Variants in C8B observed in about 807,000 individuals in gnomAD.
The protein encoded by C8B is complement component C8 beta chain.
Under a neutral mutation model 64.6 loss-of-function variants are expected in C8B, and 67 were observed. The ratio of observed to expected loss-of-function variants is 1.04; its 90% CI spans 0.85 to 1.27. C8B has a LOEUF of 1.27. Ranked by LOEUF, C8B falls within the 50% of genes most tolerant of loss-of-function variation. C8B has a pLI of 0.00. For missense variants in C8B, 790 were observed against 725.2 expected, an observed-to-expected ratio of 1.09 and a Z score of -1.03; for synonymous variants, 284 against 257.7, an observed-to-expected ratio of 1.10 and a Z score of -0.98.
At chr1:56,932,113 T>C (rs139315921) in intron 10 of C8B, among the ~76,000 whole-genome samples, 121 of 152,346 alleles carry the variant, frequency 7.9e-4, no homozygotes, top group African/African-American at 2.9e-3. Context: ...TGAAGACAAT[T>C]ACTCATGAGC....
chr1:56,929,618 G>T, intron 11 of C8B, 60 bp from the exon 12 acceptor site: 1 of 1,552,734 alleles, frequency 6.4e-7, no homozygotes. Flanking sequence ...GTGCCTTACT[G>T]GGGTTGGGTG....
At chr1:56,963,869 C>T in intron 1 of C8B, 1 of 985,442 alleles carries the variant, frequency 1.0e-6, no homozygotes, top group Non-Finnish European at 1.2e-6. Flanking sequence ...GTGATTTCAT[C>T]ATCTGACTTG....
At chr1:56,951,929 A>G (rs954457236) in intron 5 of C8B, 119 bp downstream of exon 5, 1 of 1,160,854 alleles carries the variant, frequency 8.6e-7, no homozygotes, top group South Asian at 1.3e-5. Flanking sequence ...CCATTTTCAC[A>G]TATGAAGAAA....
Position 56,940,859 on chromosome 1 carries a change from A to G in C8B, c.1388T>C (p.Ile463Thr). ...GDAVQYNPAI[I>T]KVKVEPLYEL... ...AGCAGCGTTGTGTACCTTAACTTTG[A>G]TGATGGCTGGGTTGTACTGCACAGC... Residue 463 changes from isoleucine to threonine, a missense_variant, in exon 9 of 12, where the codon ATC (isoleucine) becomes ACC (threonine). By Grantham distance (89) the Ile-to-Thr change is moderately conservative. Transcript: ENST00000371237. The G allele has an allele frequency of 6.2e-7, 1 of 1,614,010 alleles. No individual in the cohort carries two copies. The highest frequency in any genetic ancestry group is 8.5e-7 in the Non-Finnish European group (1 of 1,179,994).
At chr1:56,958,203 G>A (rs934206101) in intron 2 of C8B, among the ~76,000 whole-genome samples, 7 of 152,168 alleles carry the variant, frequency 4.6e-5, no homozygotes, top group Non-Finnish European at 2.9e-5. Flanking sequence ...ATGAGAAACT[G>A]CTGCAGAGGA....
At chr1:56,947,111 C>A (rs1210072967) in intron 6 of C8B, among the ~76,000 whole-genome samples, 1 of 152,228 alleles carries the variant, frequency 6.6e-6, no homozygotes, top group African/African-American at 2.4e-5. Context: ...TAATCTCCTT[C>A]CTTTCTTTTG....
chr1:56,951,001 A>T (rs1002033250), intron 5 of C8B, among the ~76,000 whole-genome samples: 1 of 152,104 alleles, frequency 6.6e-6, no homozygotes, highest in Non-Finnish European at 1.5e-5. Flanking sequence ...CGCTAAGCCA[A>T]ATTTGTTCTT....
intron 2 of C8B, among the ~76,000 whole-genome samples, chr1:56,957,717 T>A (rs1163654194): frequency 6.6e-6 from 1 of 152,192 alleles, no homozygotes; most frequent in Non-Finnish European, 1.5e-5. Flanking sequence ...TGGTCAGTTT[T>A]ATTGGTAATT....
At chr1:56,943,567 A>C (rs1644896209) in intron 8 of C8B, 129 bp downstream of exon 8, 2 of 1,076,826 alleles carry the variant, frequency 1.9e-6, no homozygotes, top group Non-Finnish European at 2.9e-6. Context: ...TATAAAAAAC[A>C]GAAGGACATA....
At chr1:56,952,563 G>C (rs1645038296) in intron 4 of C8B, among the ~76,000 whole-genome samples, 1 of 152,172 alleles carries the variant, frequency 6.6e-6, no homozygotes, top group Admixed American at 6.5e-5. Context: ...CAGCCCAGCT[G>C]GGTTAGGGAC....
At chr1:56,954,541 A>G (rs1286960534) in intron 4 of C8B, 145 bp downstream of exon 4, 2 of 1,099,126 alleles carry the variant, frequency 1.8e-6, no homozygotes, top group East Asian at 2.5e-5. Context: ...TCAGAGAGCA[A>G]CCGGAAGTGT....
chr1:56,942,466 C>T (rs1004394568), intron 8 of C8B, among the ~76,000 whole-genome samples: 1 of 152,032 alleles, frequency 6.6e-6, no homozygotes, highest in African/African-American at 2.4e-5. Flanking sequence ...CTTTGGGAGG[C>T]CGAGGTGAGT....
intron 6 of C8B, among the ~76,000 whole-genome samples, chr1:56,946,609 T>G (rs1046026070): frequency 2.0e-5 from 3 of 152,148 alleles, no homozygotes; most frequent in African/African-American, 7.2e-5. Context: ...GGTGTCACAC[T>G]CCAATGGCAG....
At chr1:56,951,813 G>C (rs569292870) in intron 5 of C8B, among the ~76,000 whole-genome samples, 1 of 152,222 alleles carries the variant, frequency 6.6e-6, no homozygotes, top group East Asian at 1.9e-4. Context: ...CTATCTTCAA[G>C]GTAGCTTTTG....
At chr1:56,946,475 A>G (rs879425605) in intron 6 of C8B, among the ~76,000 whole-genome samples, 2 of 152,214 alleles carry the variant, frequency 1.3e-5, no homozygotes, top group Non-Finnish European at 2.9e-5. Flanking sequence ...TAGGAAAACC[A>G]GCTATGACAG....
rs1293827799 is a variant in C8B, at chr1:56,946,032, G to T, written c.894C>A (p.Asp298Glu). The change falls in exon 7 of 12, where the codon GAC (aspartate) becomes GAA (glutamate). Residue 298 changes from aspartate to glutamate, a missense_variant. By Grantham distance (45) the Asp-to-Glu change is conservative. Coordinates refer to ENST00000371237, the MANE Select transcript of C8B (RefSeq NM_000066.4). ...TCAGCTTGTAATGTGCTACTTCAAG[G>T]TCAGAGCGTGCATGCAGAAATACGC... ...TKSVFLHARS[D>E]LEVAHYKLKP... 4 of 1,614,070 alleles carry T rather than the reference G, an allele frequency of 2.5e-6. No homozygotes were observed. The Admixed American group carries it at 6.7e-5, about 27-fold the overall frequency.
At position 56,937,156 on chromosome 1, in the gene C8B, T is replaced by C. The variant is rs1199836405; in HGVS notation, c.1399-3668A>G. 2.6e-5 allele frequency among the ~76,000 whole-genome samples: 4 copies of C among 152,290 alleles called. No individual in the cohort carries two copies. In the East Asian group the frequency reaches 7.7e-4, roughly 29 times the overall value. ...CATTCTTGCTCTCTTTGAAGGCAGG[T>C]TTGCAATGTGACTTGTTTTGACCAG... On this transcript the variant is annotated intron_variant, in intron 9 of 11. Transcript: ENST00000371237.
At position 56,960,010 on chromosome 1, in the gene C8B, G is replaced by T. The variant is rs1430100375; in HGVS notation, c.249+10C>A. ...GGAAGCTTAGAGCTGTCCCAGGCCT[G>T]GTTGCTTACCCTTTTCTTCTGACAG... is the stretch of plus-strand genomic sequence containing the variant. On this transcript the variant is annotated intron_variant, in intron 2 of 11. Transcript: ENST00000371237. 4.3e-6 allele frequency: 7 copies of T among 1,614,004 alleles called. No individual in the cohort carries two copies. The Admixed American group carries it at 8.3e-5, about 19-fold the overall frequency.
intron 10 of C8B, among the ~76,000 whole-genome samples, chr1:56,932,788 T>G (rs928310409): frequency 5.1e-4 from 78 of 152,192 alleles, no homozygotes; most frequent in Admixed American, 4.4e-3. Flanking sequence ...TGACTCCTGC[T>G]GGTTCCCTGG....
Sources: allele counts gnomAD v4.1 joint callset (sites outside exome capture counted in the v4.1 genomes callset), GRCh38; gene constraint gnomAD v4.1.1; transcripts MANE v1.5; gene names NCBI Gene and HGNC (gene_info 2026-07-23, HGNC 2026-07-21).